Variants in HMBOX1 observed in about 807,000 individuals in gnomAD.
The protein encoded by HMBOX1 is homeobox containing 1, also known as homeobox-containing protein 1.
HMBOX1 carries 14 observed loss-of-function variants against 54.5 expected under a neutral mutation model. The ratio of observed to expected loss-of-function variants is 0.26; its 90% CI spans 0.17 to 0.40. The LOEUF (loss-of-function observed/expected upper bound fraction) is 0.40, where lower values mean the gene tolerates loss of function less well. Among genes scored for constraint, HMBOX1 ranks in the 10% least tolerant of loss-of-function variants. The probability of loss-of-function intolerance (pLI) is 1.00; values close to 1 mark genes in which losing one functional copy is unlikely to be tolerated. For synonymous variants in HMBOX1, 160 were observed against 181.0 expected (o/e 0.88, Z 0.93); for missense variants, 332 against 514.4 (o/e 0.65, Z 3.43).
chr8:28,959,055 C>T (rs1824997290), intron 1 of HMBOX1, among the ~76,000 whole-genome samples: 1 of 152,148 alleles, frequency 6.6e-6, no homozygotes, highest in Admixed American at 6.6e-5. Flanking sequence ...TCTGTGTATA[C>T]TATGCACAGA....
chr8:29,051,828 T>G lies in HMBOX1; in HGVS notation c.*673T>G. ...CCTTTCCTCTCACAAGCTGTGTGAC[T>G]TAGTAGATAAAATACTGCCTTCTGC... On this transcript the variant is annotated 3_prime_UTR_variant, in exon 10 of 10. Transcript: ENST00000287701. The G allele has an allele frequency of 2.3e-6, 1 of 439,990 alleles. No homozygotes were observed. The allele number at this position is 439,990 out of a possible 1,614,324, so 27.3% of individuals were successfully genotyped here. A position where few individuals can be genotyped will look rare whatever the true frequency, so the allele number is the denominator to read the frequency against.
At chr8:29,027,985 A>G (rs1211934327) in intron 6 of HMBOX1, among the ~76,000 whole-genome samples, 2 of 152,194 alleles carry the variant, frequency 1.3e-5, no homozygotes, top group East Asian at 3.8e-4. Context: ...TCAGTGAGCA[A>G]TATAAAACAA....
intron 1 of HMBOX1, among the ~76,000 whole-genome samples, chr8:28,928,432 A>G (rs1473947495): frequency 6.6e-6 from 1 of 152,196 alleles, no homozygotes; most frequent in Non-Finnish European, 1.5e-5. Context: ...TTACATATAT[A>G]TACAATTGTT....
chr8:29,042,211 T>A (rs958438133), intron 6 of HMBOX1, among the ~76,000 whole-genome samples: 3 of 151,764 alleles, frequency 2.0e-5, no homozygotes, highest in Admixed American at 6.6e-5. Flanking sequence ...AGGGAAAAGA[T>A]GAGATATGCA....
chr8:28,921,267 C>T (rs1585801927), intron 1 of HMBOX1, among the ~76,000 whole-genome samples: 1 of 152,316 alleles, frequency 6.6e-6, no homozygotes, highest in East Asian at 1.9e-4. Context: ...GCCTGGGAGG[C>T]AGAGGTTGCG....
At chr8:29,011,592 C>T (rs919004546) in intron 5 of HMBOX1, among the ~76,000 whole-genome samples, 1 of 152,112 alleles carries the variant, frequency 6.6e-6, no homozygotes, top group East Asian at 1.9e-4. Context: ...ATAGGAAGGA[C>T]GACTAAGGTG....
intron 9 of HMBOX1, 50 bp from the exon 10 acceptor site, chr8:29,050,968 A>G (rs1243646427): frequency 1.9e-6 from 3 of 1,579,860 alleles, no homozygotes; most frequent in Non-Finnish European, 2.6e-6. Context: ...CTCTGTGACT[A>G]AAGAATTCTT....
intron 1 of HMBOX1, among the ~76,000 whole-genome samples, chr8:28,953,004 C>A (rs375349496): frequency 6.6e-6 from 1 of 152,236 alleles, no homozygotes; most frequent in East Asian, 1.9e-4. Flanking sequence ...AAGGGAAGTC[C>A]GTTAGCTGAT....
At chr8:29,005,525 CT>C (rs1431487317) in intron 4 of HMBOX1, among the ~76,000 whole-genome samples, 5 of 152,016 alleles carry the variant, frequency 3.3e-5, no homozygotes, top group Non-Finnish European at 7.4e-5. Flanking sequence ...TATCCATTTA[CT>C]TCATTTTTTT....
intron 1 of HMBOX1, among the ~76,000 whole-genome samples, chr8:28,907,707 C>T (rs113718606): frequency 3.9e-5 from 6 of 152,030 alleles, no homozygotes; most frequent in Admixed American, 1.3e-4. Context: ...TGCTGACCAC[C>T]GAATTATAAA....
At chr8:28,993,167 TTAAG>T (rs1831254714) in intron 4 of HMBOX1, among the ~76,000 whole-genome samples, 1 of 152,112 alleles carries the variant, frequency 6.6e-6, no homozygotes, top group Admixed American at 6.5e-5. Context: ...TTAATAGCAG[TTAAG>T]TAACTATTTT....
chr8:29,042,570 T>C (rs1948132), intron 6 of HMBOX1: 170,409 of 448,744 alleles, frequency 0.38, 33,856 homozygotes, highest in African/African-American at 0.52. Context: ...AAATGAGGGT[T>C]CCAGTTAAGG....
chr8:29,037,164 A>G (rs894686714), intron 6 of HMBOX1, among the ~76,000 whole-genome samples: 1 of 152,218 alleles, frequency 6.6e-6, no homozygotes, highest in Admixed American at 6.5e-5. Flanking sequence ...AAAGGTTGAT[A>G]TGGACAGAGC....
At chr8:28,932,713 A>T (rs1471277981) in intron 1 of HMBOX1, among the ~76,000 whole-genome samples, 2 of 152,194 alleles carry the variant, frequency 1.3e-5, no homozygotes, top group Non-Finnish European at 2.9e-5. Flanking sequence ...ACTATTTCTT[A>T]TGATTTTGAA....
chr8:29,039,440 T>A (rs1804489268), intron 6 of HMBOX1, among the ~76,000 whole-genome samples: 1 of 152,186 alleles, frequency 6.6e-6, no homozygotes, highest in Non-Finnish European at 1.5e-5. Flanking sequence ...TTAGAGAAGA[T>A]AATTGTACAA....
At chr8:29,009,860 C>A in intron 5 of HMBOX1, 1 of 1,186,980 alleles carries the variant, frequency 8.4e-7, no homozygotes, top group Non-Finnish European at 1.1e-6. Flanking sequence ...ATGGGACTAT[C>A]TCAATCTATA....
intron 1 of HMBOX1, among the ~76,000 whole-genome samples, chr8:28,934,689 G>C (rs1211673623): frequency 6.6e-6 from 1 of 152,162 alleles, no homozygotes; most frequent in East Asian, 1.9e-4. Flanking sequence ...ACTTTGGGAG[G>C]CTGAGGCGGG....
intron 1 of HMBOX1, among the ~76,000 whole-genome samples, chr8:28,935,360 A>C (rs1216810860): frequency 6.6e-6 from 1 of 152,234 alleles, no homozygotes; most frequent in African/African-American, 2.4e-5. Context: ...GTGTGATGTT[A>C]GCATAGGATA....
chr8:28,896,026 CA>C (rs1210279697), intron 1 of HMBOX1, among the ~76,000 whole-genome samples: 1 of 152,114 alleles, frequency 6.6e-6, no homozygotes, highest in Non-Finnish European at 1.5e-5. Flanking sequence ...TGACATAAAT[CA>C]AAAATTGAGA....
Sources: gnomAD v4.1 joint callset for allele counts (sites outside exome capture counted in the v4.1 genomes callset) on GRCh38, gnomAD v4.1.1 for gene constraint, MANE v1.5 for transcripts, NCBI Gene and HGNC (gene_info 2026-07-23, HGNC 2026-07-21) for gene names.